The following NAA25 variants were observed in gnomAD, a reference collection of about 807,000 sequenced individuals.
NAA25 encodes the protein N-terminal acetyltransferase B complex subunit NAA25.
A neutral mutation model predicts 132.5 loss-of-function variants in NAA25; 30 were observed. The observed-to-expected ratio is 0.23, with a 90% CI of 0.17 to 0.31. The LOEUF (loss-of-function observed/expected upper bound fraction) is 0.31, where lower values mean the gene tolerates loss of function less well. NAA25 is among the 10% of genes least tolerant of loss of function. The pLI is 1.00. For missense variants in NAA25, 771 were observed against 1,150.4 expected (o/e 0.67, Z 4.77); for synonymous variants, 359 against 401.9 (o/e 0.89, Z 1.28).
chr12:112,054,694 A>C, intron 13 of NAA25, 126 bp from the exon 14 acceptor site: 1 of 851,420 alleles, frequency 1.2e-6, no homozygotes, highest in African/African-American at 1.7e-5. Context: ...ACAGAGAACA[A>C]ATTTTAGATA....
intron 16 of NAA25, 106 bp from the exon 17 acceptor site, chr12:112,047,896 A>C: frequency 8.5e-7 from 1 of 1,183,072 alleles, no homozygotes; most frequent in Admixed American, 2.4e-5. Context: ...AGAGGAAGGA[A>C]GGGCTCATAA....
intron 17 of NAA25, among the ~76,000 whole-genome samples, chr12:112,044,694 CA>C (rs1374377846): frequency 6.7e-6 from 1 of 149,442 alleles, no homozygotes; most frequent in African/African-American, 2.5e-5. Context: ...CAAAACAAAA[CA>C]AAAAAAACAG....
chr12:112,065,022 G>A (rs1272576157), intron 11 of NAA25, among the ~76,000 whole-genome samples: 1 of 151,440 alleles, frequency 6.6e-6, no homozygotes, highest in African/African-American at 2.4e-5. Context: ...CAAGAAGAGC[G>A]AAACTTGTCT....
At chr12:112,050,515 T>C (rs1029610910) in intron 15 of NAA25, among the ~76,000 whole-genome samples, 10 of 142,010 alleles carry the variant, frequency 7.0e-5, no homozygotes, top group Admixed American at 7.0e-4. Context: ...TTTTATTTAC[T>C]TTTTTTTTTT....
At position 112,033,379 on chromosome 12, in the gene NAA25, G is replaced by T. The variant is rs1298969811; in HGVS notation, c.2650C>A (p.Pro884Thr). Residue 884 changes from proline to threonine, a missense_variant and splice_region_variant, in exon 23 of 24, where the codon CCA (proline) becomes ACA (threonine). Around this residue, in one of 3 missense-constraint regions of NAA25, gnomAD observed 324 missense variants for 400.0 expected, o/e 0.81. Transcript: ENST00000261745. ...KKKKETSIIMPPVFTSFQDYV... is the reference protein window; with the variant it reads ...KKKKETSIIMTPVFTSFQDYV... ...TCTTGGAAACTGGTAAAGACAGGTG[G>T]CTGGGAAAAAGATTAAAAAAGAGTT... 1 of 1,594,594 alleles carries T rather than the reference G, an allele frequency of 6.3e-7. No homozygotes were observed. The highest frequency in any genetic ancestry group is 8.5e-7 in the Non-Finnish European group (1 of 1,174,234).
intron 9 of NAA25, 55 bp from the exon 10 acceptor site, chr12:112,072,119 G>T: frequency 7.0e-7 from 1 of 1,430,722 alleles, no homozygotes; most frequent in Non-Finnish European, 9.4e-7. Flanking sequence ...CCTTCCCGAA[G>T]CTTAAAGTCA....
intron 22 of NAA25, among the ~76,000 whole-genome samples, chr12:112,038,770 A>G (rs1388179465): frequency 6.6e-6 from 1 of 152,168 alleles, no homozygotes; most frequent in Non-Finnish European, 1.5e-5. Context: ...ACTTAAGGTC[A>G]GGAGTTTGAG....
At chr12:112,097,809 A>C (rs2079236313) in intron 1 of NAA25, among the ~76,000 whole-genome samples, 1 of 151,956 alleles carries the variant, frequency 6.6e-6, no homozygotes, top group Non-Finnish European at 1.5e-5. Context: ...GTTGATGAGT[A>C]AGCAGGAAAA....
Position 112,029,497 on chromosome 12 carries a change from T to TG in NAA25, c.*33dup, listed in dbSNP as rs1565993182. On this transcript the variant is annotated 3_prime_UTR_variant, in exon 24 of 24. Transcript: ENST00000261745. ...CTGGGAAGATGGTGTCATATTCTGT[T>TG]GCAGAGTCATCAGTGCCCATGATAG... is the stretch of plus-strand genomic sequence containing the variant. The TG allele has an allele frequency of 6.2e-7, 1 of 1,613,690 alleles. No homozygotes were observed. The highest frequency in any genetic ancestry group is 8.5e-7 in the Non-Finnish European group (1 of 1,179,858).
intron 15 of NAA25, among the ~76,000 whole-genome samples, chr12:112,050,373 T>C (rs1239770899): frequency 6.6e-6 from 1 of 152,238 alleles, no homozygotes; most frequent in African/African-American, 2.4e-5. Flanking sequence ...TACTCATTTA[T>C]GCACCAATGA....
At position 112,043,916 on chromosome 12, in the gene NAA25, C is replaced by G. The variant is rs556995478; in HGVS notation, c.2007-48G>C. 2.6e-6 allele frequency: 4 copies of G among 1,558,000 alleles called. No homozygotes were observed. In the South Asian group the frequency reaches 3.6e-5, roughly 14 times the overall value. ...TTATCTAACTTATTCAATATTCAAT[C>G]CATTGCTTTCAATTTTTTTTTTTTT... On this transcript the variant is annotated intron_variant, in intron 17 of 23. Coordinates refer to ENST00000261745, the MANE Select transcript of NAA25 (RefSeq NM_024953.4).
intron 13 of NAA25, among the ~76,000 whole-genome samples, chr12:112,057,022 T>C (rs180766892): frequency 8.0e-4 from 122 of 152,098 alleles, no homozygotes; most frequent in African/African-American, 2.8e-3. Flanking sequence ...ACCCCGTCTC[T>C]ACTAAAAATA....
intron 18 of NAA25, 66 bp downstream of exon 18, chr12:112,043,559 C>T: frequency 6.4e-7 from 1 of 1,565,550 alleles, no homozygotes; most frequent in Non-Finnish European, 8.7e-7. Context: ...ACCCCAAACT[C>T]CTGTTTATAA....
At chr12:112,099,893 A>G (rs1187859230) in intron 1 of NAA25, among the ~76,000 whole-genome samples, 1 of 152,242 alleles carries the variant, frequency 6.6e-6, no homozygotes, top group Admixed American at 6.5e-5. Flanking sequence ...TCCACTTCCT[A>G]CAAGAATTTC....
At chr12:112,083,081 G>A (rs1453996089) in intron 4 of NAA25, among the ~76,000 whole-genome samples, 1 of 152,116 alleles carries the variant, frequency 6.6e-6, no homozygotes. Context: ...TCTAGGAACA[G>A]TATCTCAGCA....
intron 23 of NAA25, among the ~76,000 whole-genome samples, chr12:112,031,986 C>T (rs1045629727): frequency 1.3e-5 from 2 of 150,110 alleles, no homozygotes; most frequent in South Asian, 2.1e-4. Flanking sequence ...TTTTTTGAGA[C>T]GGAGTCTCAT....
At chr12:112,105,180 C>T (rs577687016) in intron 1 of NAA25, among the ~76,000 whole-genome samples, 3 of 152,008 alleles carry the variant, frequency 2.0e-5, no homozygotes, top group Admixed American at 6.6e-5. Context: ...ATTAGCCAGG[C>T]GTGGTGGTGC....
At chr12:112,091,388 A>T (rs542842888) in intron 2 of NAA25, among the ~76,000 whole-genome samples, 1 of 152,138 alleles carries the variant, frequency 6.6e-6, no homozygotes, top group South Asian at 2.1e-4. Flanking sequence ...CTCTAGAAAA[A>T]ATTTGAAGGA....
chr12:112,107,027 C>G (rs1021780764), intron 1 of NAA25, among the ~76,000 whole-genome samples: 2 of 146,838 alleles, frequency 1.4e-5, no homozygotes, highest in Non-Finnish European at 3.0e-5. Context: ...ATAATCCCAG[C>G]ACTTTGGGAG....
Sources: gnomAD v4.1 joint callset for allele counts (sites outside exome capture counted in the v4.1 genomes callset) on GRCh38, gnomAD v4.1.1 for gene constraint, gnomAD v4.1.1 regional missense constraint, MANE v1.5 for transcripts, NCBI Gene and HGNC (gene_info 2026-07-23, HGNC 2026-07-21) for gene names.